MISP3: variants seen among roughly 807,000 people sequenced by gnomAD.
MISP3 encodes the protein MISP family member 3, also known as uncharacterized protein MISP3.
Under a neutral mutation model 5.5 loss-of-function variants are expected in MISP3, and 9 were observed. That is an observed-to-expected ratio of 1.65 (90% CI 0.99 to 2.87). The LOEUF (loss-of-function observed/expected upper bound fraction) is 2.87. Ranked by LOEUF, MISP3 falls within the 30% of genes most tolerant of loss-of-function variation. The pLI is 0.00. For synonymous variants in MISP3, 87 were observed against 38.1 expected, an observed-to-expected ratio of 2.28 and a Z score of -4.73; for missense variants, 152 against 84.1, an observed-to-expected ratio of 1.81 and a Z score of -3.16.
rs1236973790 is a variant in MISP3, at chr19:14,074,308, G to T, written c.569-82G>T. On this transcript the variant is annotated intron_variant, in intron 1 of 2. Coordinates refer to ENST00000587086, the MANE Select transcript of MISP3 (RefSeq NM_001291291.2). The surrounding 1 kb of genome is among the most constrained non-coding windows in gnomAD (Gnocchi z 4.4). The stretch of plus-strand genomic sequence containing the variant: ...TTTCATGGGGAGGCGGAGGGTGAAC[G>T]CCTGTGTGTGTTTAAGGGGTGCGGC... The T allele has an allele frequency of 1.2e-5, 8 of 681,748 alleles. No homozygotes were observed. Among genetic ancestry groups the T allele is most frequent in the Non-Finnish European group, 1.9e-5 (7 of 374,182 alleles). 42.2% of individuals were successfully genotyped at this position (681,748 alleles called of 1,614,324 possible).
In MISP3 at chr19:14,073,057, A is replaced by C. The variant is rs1383852895; in HGVS notation, c.-253A>C. ...CAAAGGACGTGGAGATCCTGGAGCA[A>C]GAGAGCGAAGTCCTCGAGCCATCAG... On this transcript the variant is annotated 5_prime_UTR_variant, in exon 1 of 3. Coordinates refer to ENST00000587086, the MANE Select transcript of MISP3 (RefSeq NM_001291291.2). This position sits in a 1 kb window ranked among gnomAD's most constrained non-coding sequence, Gnocchi z 8.5. The C allele has an allele frequency of 5.2e-6, 3 of 578,048 alleles. No homozygotes were observed. Among genetic ancestry groups the C allele is most frequent in the Non-Finnish European group, 9.8e-6 (3 of 305,562 alleles). The allele number at this position is 578,048 out of a possible 1,614,324, so 35.8% of individuals were successfully genotyped here.
Position 14,072,797 on chromosome 19 carries a change from C to A in MISP3, c.-513C>A. On this transcript the variant is annotated 5_prime_UTR_variant, in exon 1 of 3. Transcript: ENST00000587086. The surrounding 1 kb of genome is among the most constrained non-coding windows in gnomAD (Gnocchi z 6.8). ...GCGGGCGACGCCTTGGAACCCACGG[C>A]CGCCACTGCCGCCACAGGTGCCTCA... The A allele has an allele frequency of 2.8e-6, 1 of 355,696 alleles. No individual in the cohort carries two copies. The highest frequency in any genetic ancestry group is 5.5e-6 in the Non-Finnish European group (1 of 181,462). 22.0% of individuals were successfully genotyped at this position (355,696 alleles called of 1,614,324 possible). A position where few individuals can be genotyped will look rare whatever the true frequency, so the allele number is the denominator to read the frequency against.
At position 14,074,087 on chromosome 19, in the gene MISP3, C is replaced by G. The variant is rs1051513363; in HGVS notation, c.568+210C>G. ...ACCCCTCCACCGGGAGTGATGGACTCTCTGATCCACACCACCCAGGCTGCG... is the reference window on the plus strand; with the variant it reads ...ACCCCTCCACCGGGAGTGATGGACTGTCTGATCCACACCACCCAGGCTGCG... On this transcript the variant is annotated intron_variant, in intron 1 of 2. Coordinates refer to ENST00000587086, the MANE Select transcript of MISP3 (RefSeq NM_001291291.2). The surrounding 1 kb of genome is among the most constrained non-coding windows in gnomAD (Gnocchi z 4.4). The G allele has an allele frequency of 1.2e-4, 73 of 596,922 alleles. No individual in the cohort carries two copies. Among genetic ancestry groups the G allele is most frequent in the African/African-American group, 1.1e-3 (57 of 53,564 alleles). The allele number at this position is 596,922 out of a possible 1,614,324, so 37.0% of individuals were successfully genotyped here.
chr19:14,073,441 C>A lies in MISP3; in HGVS notation c.132C>A (p.Asn44Lys). Residue 44 changes from asparagine (N) to lysine (K), a missense_variant, in exon 1 of 3, where the codon AAC becomes AAA. Physicochemically the swap from Asn to Lys is moderately conservative, Grantham distance 94. Transcript: ENST00000587086. The surrounding 1 kb of genome is among the most constrained non-coding windows in gnomAD (Gnocchi z 8.5). ...AGCTGCGCGTGCGGCCGGTGCTCAACCTGCCGGGTCCTGGCCCCGCGCTCC... is the reference window on the plus strand; with the variant it reads ...AGCTGCGCGTGCGGCCGGTGCTCAAACTGCCGGGTCCTGGCCCCGCGCTCC... Reference protein sequence around the residue: ...LVELRVRPVLNLPGPGPALPR... With the variant: ...LVELRVRPVLKLPGPGPALPR... The A allele has an allele frequency of 1.6e-6, 1 of 616,388 alleles. No individual in the cohort carries two copies. The highest frequency in any genetic ancestry group is 2.9e-6 in the Non-Finnish European group (1 of 348,542). The allele number at this position is 616,388 out of a possible 1,614,324, so 38.2% of individuals were successfully genotyped here.
In MISP3 at chr19:14,074,288, T is replaced by C. The variant is rs1201129741; in HGVS notation, c.569-102T>C. ...GCCTGGAGTTGAATGGAGGCTTTCA[T>C]GGGGAGGCGGAGGGTGAACGCCTGT... is the stretch of plus-strand genomic sequence containing the variant. On this transcript the variant is annotated intron_variant, in intron 1 of 2. Transcript: ENST00000587086. The surrounding 1 kb of genome is among the most constrained non-coding windows in gnomAD (Gnocchi z 4.4). The C allele has an allele frequency of 1.5e-6, 1 of 650,288 alleles. No individual in the cohort carries two copies. Among genetic ancestry groups the C allele is most frequent in the Non-Finnish European group, 2.8e-6 (1 of 357,080 alleles). The allele number at this position is 650,288 out of a possible 1,614,324, so 40.3% of individuals were successfully genotyped here. A position where few individuals can be genotyped will look rare whatever the true frequency, so the allele number is the denominator to read the frequency against.
At position 14,074,381 on chromosome 19, in the gene MISP3, C is replaced by A; in HGVS notation, c.569-9C>A. ...CCAGCTGGTGAGCTGAGCGCCCCTT[C>A]CCCCGCAGCGAGCAGGGGCGACGGA... On this transcript the variant is annotated splice_polypyrimidine_tract_variant and intron_variant, in intron 1 of 2. Coordinates refer to ENST00000587086, the MANE Select transcript of MISP3 (RefSeq NM_001291291.2). This position sits in a 1 kb window ranked among gnomAD's most constrained non-coding sequence, Gnocchi z 4.4. 1 of 702,550 alleles carries A rather than the reference C, an allele frequency of 1.4e-6. No homozygotes were observed. Among genetic ancestry groups the A allele is most frequent in the African/African-American group, 1.7e-5 (1 of 57,368 alleles). The allele number at this position is 702,550 out of a possible 1,614,324, so 43.5% of individuals were successfully genotyped here.
chr19:14,074,734 G>T lies in MISP3; in HGVS notation c.*11G>T, dbSNP rs1191254325. ...GAGCGCAAACCTTGAGGTTTGAAAA[G>T]GCTGGGACCCCCGGCCGGAAGTAAC... On this transcript the variant is annotated 3_prime_UTR_variant, in exon 3 of 3. Transcript: ENST00000587086. This position sits in a 1 kb window ranked among gnomAD's most constrained non-coding sequence, Gnocchi z 4.4. 1 of 701,952 alleles carries T rather than the reference G, an allele frequency of 1.4e-6. No individual in the cohort carries two copies. Among genetic ancestry groups the T allele is most frequent in the African/African-American group, 1.7e-5 (1 of 57,344 alleles). The allele number at this position is 701,952 out of a possible 1,614,324, so 43.5% of individuals were successfully genotyped here. A position where few individuals can be genotyped will look rare whatever the true frequency, so the allele number is the denominator to read the frequency against.
Position 14,074,077 on chromosome 19 carries a change from GTGA to G in MISP3, c.568+203_568+205del, listed in dbSNP as rs1174114213. ...GCTGTGATCCACCCCTCCACCGGGA[GTGA>G]TGGACTCTCTGATCCACACCACCCA... On this transcript the variant is annotated intron_variant, in intron 1 of 2. Transcript: ENST00000587086. The surrounding 1 kb of genome is among the most constrained non-coding windows in gnomAD (Gnocchi z 4.4). 1.0e-5 allele frequency: 6 copies of G among 596,802 alleles called. No homozygotes were observed. Among genetic ancestry groups the G allele is most frequent in the East Asian group, 8.4e-5 (3 of 35,672 alleles). 37.0% of individuals were successfully genotyped at this position (596,802 alleles called of 1,614,324 possible). A position where few individuals can be genotyped will look rare whatever the true frequency, so the allele number is the denominator to read the frequency against.
Position 14,073,273 on chromosome 19 carries a change from C to T in MISP3, c.-37C>T. 1.4e-6 allele frequency: 1 copy of T among 690,150 alleles called. No individual in the cohort carries two copies. The highest frequency in any genetic ancestry group is 2.7e-6 in the Non-Finnish European group (1 of 376,768). The allele number at this position is 690,150 out of a possible 1,614,324, so 42.8% of individuals were successfully genotyped here. A position where few individuals can be genotyped will look rare whatever the true frequency, so the allele number is the denominator to read the frequency against. On this transcript the variant is annotated 5_prime_UTR_variant, in exon 1 of 3. Coordinates refer to ENST00000587086, the MANE Select transcript of MISP3 (RefSeq NM_001291291.2). The surrounding 1 kb of genome is among the most constrained non-coding windows in gnomAD (Gnocchi z 8.5). ...CCCCCCACCTGCGTTTTCCGCCGTG[C>T]CCCGAGGCTCCCCAGCGTCCCCCGG...
rs1976655007 is a variant in MISP3 at position 14,074,434 on chromosome 19, A to C, written c.613A>C (p.Arg205=). ...GKLVVIWPPR[R]KVSENGLEQE... ...GTTGGTGGTGATCTGGCCCCCCCGC[A>C]GAAAGGTCTCGGAGAACGGCCTGGA... The change falls in exon 2 of 3, where the codon AGA becomes CGA. Residue 205 remains arginine (R), a synonymous_variant. Coordinates refer to ENST00000587086, the MANE Select transcript of MISP3 (RefSeq NM_001291291.2). This position sits in a 1 kb window ranked among gnomAD's most constrained non-coding sequence, Gnocchi z 4.4. The C allele has an allele frequency of 1.4e-6, 1 of 702,592 alleles. No individual in the cohort carries two copies. 43.5% of individuals were successfully genotyped at this position (702,592 alleles called of 1,614,324 possible). A position where few individuals can be genotyped will look rare whatever the true frequency, so the allele number is the denominator to read the frequency against.
In MISP3 at chr19:14,073,965, C is replaced by T; in HGVS notation, c.568+88C>T. The T allele has an allele frequency of 1.5e-6, 1 of 651,150 alleles. No individual in the cohort carries two copies. Among genetic ancestry groups the T allele is most frequent in the Admixed American group, 2.5e-5 (1 of 39,424 alleles). The allele number at this position is 651,150 out of a possible 1,614,324, so 40.3% of individuals were successfully genotyped here. On this transcript the variant is annotated intron_variant, in intron 1 of 2. Transcript: ENST00000587086. This position sits in a 1 kb window ranked among gnomAD's most constrained non-coding sequence, Gnocchi z 8.5. ...AACTTCAGTGGCCCCTCCTGTGGCCCTCCGATTCTCGGGGTCTCTCCCTCC... is the reference window on the plus strand; with the variant it reads ...AACTTCAGTGGCCCCTCCTGTGGCCTTCCGATTCTCGGGGTCTCTCCCTCC...
In MISP3 at chr19:14,073,611, G is replaced by A. The variant is rs1376177575; in HGVS notation, c.302G>A (p.Arg101His). The A allele has an allele frequency of 2.4e-5, 8 of 334,796 alleles. No homozygotes were observed. The highest frequency in any genetic ancestry group is 3.8e-5 in the Non-Finnish European group (7 of 185,258). The allele number at this position is 334,796 out of a possible 1,614,324, so 20.7% of individuals were successfully genotyped here. A position where few individuals can be genotyped will look rare whatever the true frequency, so the allele number is the denominator to read the frequency against. ...SPPQPLGELK[R>H]FFEAAAGSGS... ...CCGCAGCCGCTGGGCGAACTCAAGC[G>A]CTTCTTCGAGGCCGCGGCGGGGAGC... Residue 101 changes from arginine (R) to histidine (H), a missense_variant, in exon 1 of 3, where the codon CGC (arginine) becomes CAC (histidine). Coordinates refer to ENST00000587086, the MANE Select transcript of MISP3 (RefSeq NM_001291291.2). The surrounding 1 kb of genome is among the most constrained non-coding windows in gnomAD (Gnocchi z 8.5).
chr19:14,074,280 G>A lies in MISP3; in HGVS notation c.569-110G>A, dbSNP rs1976649886. The A allele has an allele frequency of 1.6e-6, 1 of 642,346 alleles. No homozygotes were observed. The highest frequency in any genetic ancestry group is 2.4e-5 in the Admixed American group (1 of 42,162). 39.8% of individuals were successfully genotyped at this position (642,346 alleles called of 1,614,324 possible). A position where few individuals can be genotyped will look rare whatever the true frequency, so the allele number is the denominator to read the frequency against. ...TCCTGGGTGCCTGGAGTTGAATGGA[G>A]GCTTTCATGGGGAGGCGGAGGGTGA... On this transcript the variant is annotated intron_variant, in intron 1 of 2. Transcript: ENST00000587086. This position sits in a 1 kb window ranked among gnomAD's most constrained non-coding sequence, Gnocchi z 4.4.
chr19:14,074,793 AG>A lies in MISP3; in HGVS notation c.*71del. 1 of 691,164 alleles carries A rather than the reference AG, an allele frequency of 1.4e-6. No individual in the cohort carries two copies. 42.8% of individuals were successfully genotyped at this position (691,164 alleles called of 1,614,324 possible). On this transcript the variant is annotated 3_prime_UTR_variant, in exon 3 of 3. Transcript: ENST00000587086. The surrounding 1 kb of genome is among the most constrained non-coding windows in gnomAD (Gnocchi z 4.4). ...CAGAGGAACAGGGCGGGGGGCGTCTAGCATTAGGCCTGGAGAAGGGTCGGCT... is the reference window on the plus strand; with the variant it reads ...CAGAGGAACAGGGCGGGGGGCGTCTACATTAGGCCTGGAGAAGGGTCGGCT...
At position 14,074,118 on chromosome 19, in the gene MISP3, G is replaced by T. The variant is rs1976646791; in HGVS notation, c.568+241G>T. ...TCCACACCACCCAGGCTGCGCGGGGGTGGGGGCATTCCAGATGTCTTCCTT... is the reference window on the plus strand; with the variant it reads ...TCCACACCACCCAGGCTGCGCGGGGTTGGGGGCATTCCAGATGTCTTCCTT... On this transcript the variant is annotated intron_variant, in intron 1 of 2. Coordinates refer to ENST00000587086, the MANE Select transcript of MISP3 (RefSeq NM_001291291.2). This position sits in a 1 kb window ranked among gnomAD's most constrained non-coding sequence, Gnocchi z 4.4. The T allele has an allele frequency of 1.7e-6, 1 of 593,828 alleles. No individual in the cohort carries two copies. The highest frequency in any genetic ancestry group is 3.0e-6 in the Non-Finnish European group (1 of 333,904). The allele number at this position is 593,828 out of a possible 1,614,324, so 36.8% of individuals were successfully genotyped here. A position where few individuals can be genotyped will look rare whatever the true frequency, so the allele number is the denominator to read the frequency against.
chr19:14,073,876 C>G lies in MISP3; in HGVS notation c.567C>G (p.Thr189=), dbSNP rs1265786375. The G allele has an allele frequency of 2.9e-6, 2 of 698,566 alleles. No homozygotes were observed. Among genetic ancestry groups the G allele is most frequent in the Non-Finnish European group, 2.6e-6 (1 of 383,886 alleles). The allele number at this position is 698,566 out of a possible 1,614,324, so 43.3% of individuals were successfully genotyped here. A position where few individuals can be genotyped will look rare whatever the true frequency, so the allele number is the denominator to read the frequency against. ...AEFKEPTPSL[T]ASRGDGKLVV... is the part of the protein sequence containing the mutation. ...TCAAGGAGCCTACGCCGAGCCTCAC[C>G]GGTAAGCCGCGGGCGTAGCAACGCC... The change falls in exon 1 of 3, where the codon ACC becomes ACG. Residue 189 remains threonine (T), a splice_region_variant and synonymous_variant. Transcript: ENST00000587086. The surrounding 1 kb of genome is among the most constrained non-coding windows in gnomAD (Gnocchi z 8.5).
At position 14,073,377 on chromosome 19, in the gene MISP3, G is replaced by GGGGCCTGAGCCC. The variant is rs1458859976; in HGVS notation, c.74_85dup (p.Leu25_Gly28dup). The GGGGCCTGAGCCC allele has an allele frequency of 1.4e-6, 1 of 697,040 alleles. No individual in the cohort carries two copies. Among genetic ancestry groups the GGGGCCTGAGCCC allele is most frequent in the Non-Finnish European group, 2.6e-6 (1 of 382,026 alleles). The allele number at this position is 697,040 out of a possible 1,614,324, so 43.2% of individuals were successfully genotyped here. A position where few individuals can be genotyped will look rare whatever the true frequency, so the allele number is the denominator to read the frequency against. On this transcript the variant is annotated inframe_insertion, in exon 1 of 3. Coordinates refer to ENST00000587086, the MANE Select transcript of MISP3 (RefSeq NM_001291291.2). The surrounding 1 kb of genome is among the most constrained non-coding windows in gnomAD (Gnocchi z 8.5). ...CGCGAGGAGAGCCTGCGCCGGAGCC[G>GGGGCCTGAGCCC]GGGCCTGAGCCCGGGCCGCGCAGGC...
chr19:14,074,616 G>C lies in MISP3; in HGVS notation c.643-90G>C. 1 of 689,546 alleles carries C rather than the reference G, an allele frequency of 1.5e-6. No homozygotes were observed. The allele number at this position is 689,546 out of a possible 1,614,324, so 42.7% of individuals were successfully genotyped here. The stretch of plus-strand genomic sequence containing the variant: ...CGCATCCCCGGGGTGAAGAGGAGAC[G>C]GTGGTCTTGAGGCCCAAACCGCCAC... On this transcript the variant is annotated intron_variant, in intron 2 of 2. Transcript: ENST00000587086. This position sits in a 1 kb window ranked among gnomAD's most constrained non-coding sequence, Gnocchi z 4.4.
At position 14,074,109 on chromosome 19, in the gene MISP3, T is replaced by C; in HGVS notation, c.568+232T>C. 1.7e-6 allele frequency: 1 copy of C among 593,508 alleles called. No homozygotes were observed. Among genetic ancestry groups the C allele is most frequent in the South Asian group, 2.0e-5 (1 of 49,438 alleles). The allele number at this position is 593,508 out of a possible 1,614,324, so 36.8% of individuals were successfully genotyped here. ...ACTCTCTGATCCACACCACCCAGGC[T>C]GCGCGGGGGTGGGGGCATTCCAGAT... On this transcript the variant is annotated intron_variant, in intron 1 of 2. Transcript: ENST00000587086. This position sits in a 1 kb window ranked among gnomAD's most constrained non-coding sequence, Gnocchi z 4.4.
Sources: gnomAD v4.1 joint callset for allele counts on GRCh38, gnomAD v4.1.1 for gene constraint, Gnocchi (gnomAD v3.1) non-coding constraint, MANE v1.5 for transcripts, NCBI Gene and HGNC (gene_info 2026-07-23, HGNC 2026-07-21) for gene names.